PCDH19: variants seen among roughly 807,000 people sequenced by gnomAD.
PCDH19 encodes the protein protocadherin-19.
A neutral mutation model predicts 46.2 loss-of-function variants in PCDH19; 6 were observed. That is an observed-to-expected ratio of 0.13 (90% CI 0.07 to 0.26). The LOEUF is 0.26. PCDH19 is among the 10% of genes least tolerant of loss of function. The probability of loss-of-function intolerance (pLI) is 1.00; values close to 1 mark genes in which losing one functional copy is unlikely to be tolerated. For missense variants in PCDH19, 740 were observed against 972.3 expected (o/e 0.76, Z 3.18); for synonymous variants, 481 against 415.7 (o/e 1.16, Z -1.91).
intron 3 of PCDH19, among the ~76,000 whole-genome samples, chrX:100,389,179 ACTTC>A (rs1927796742): frequency 9.0e-6 from 1 of 111,211 alleles, no homozygotes; most frequent in Non-Finnish European, 1.9e-5. Flanking sequence ...TATGCTTCAT[ACTTC>A]CTTATTTTTC....
chrX:100,311,636 C>G (rs1395427839), intron 5 of PCDH19, among the ~76,000 whole-genome samples: 1 of 111,597 alleles, frequency 9.0e-6, no homozygotes, highest in Non-Finnish European at 1.9e-5. Context: ...TCATTTCTTC[C>G]ACATTTGGAA....
Position 100,392,487 on chromosome X carries a change from A to T in PCDH19, c.2616+10037T>A, listed in dbSNP as rs556937462. 5.7e-4 allele frequency among the ~76,000 whole-genome samples: 64 copies of T among 112,424 alleles called. No homozygotes were observed. The South Asian group carries it at 0.019, about 34-fold the overall frequency. ...GCAAAATCTTCACTACGAAAAAACC[A>T]TTATTTAGTACGAATGCCACTGTGT... is the stretch of plus-strand genomic sequence containing the variant. On this transcript the variant is annotated intron_variant, in intron 3 of 5. Transcript: ENST00000373034.
intron 5 of PCDH19, among the ~76,000 whole-genome samples, chrX:100,325,142 T>C (rs1925647479): frequency 1.1e-5 from 1 of 89,804 alleles, no homozygotes; most frequent in Non-Finnish European, 2.3e-5. Context: ...GATAGATAGA[T>C]AGATAGATAG....
intron 5 of PCDH19, among the ~76,000 whole-genome samples, chrX:100,305,860 A>G (rs1196663630): frequency 8.9e-6 from 1 of 112,009 alleles, no homozygotes; most frequent in Non-Finnish European, 1.9e-5. Context: ...TCCAATAGGA[A>G]AATATCACAA....
At chrX:100,298,959 A>G (rs1040510253) in intron 5 of PCDH19, among the ~76,000 whole-genome samples, 1 of 111,713 alleles carries the variant, frequency 9.0e-6, no homozygotes, top group African/African-American at 3.3e-5. Flanking sequence ...TTGCCTCTTC[A>G]TCTCTTCCAA....
chrX:100,395,031 G>A (rs1927985568), intron 3 of PCDH19, among the ~76,000 whole-genome samples: 1 of 110,045 alleles, frequency 9.1e-6, no homozygotes, highest in African/African-American at 3.3e-5. Flanking sequence ...GGGACCACAG[G>A]CGCCCGCCAC....
intron 1 of PCDH19, 101 bp from the exon 2 acceptor site, chrX:100,403,765 A>G: frequency 1.4e-6 from 1 of 715,851 alleles, no homozygotes; most frequent in Non-Finnish European, 2.0e-6. Context: ...GCTCAATTTA[A>G]TTAACACTGA....
In PCDH19 at chrX:100,296,785, C is replaced by T. The variant is rs368872920; in HGVS notation, c.2939G>A (p.Arg980His). 25 of 1,209,592 alleles carry T rather than the reference C, an allele frequency of 2.1e-5. 1 individual carries two copies. Among genetic ancestry groups the T allele is most frequent in the African/African-American group, 1.4e-4 (8 of 57,122 alleles). ...CCTCACATGCTCAGGGGACTTGGAA[C>T]GGATGGGCATGGGGTTCCGGGGCAT... ...CWMPRNPMPIRSKSPEHVRNI... is the reference protein window; with the variant it reads ...CWMPRNPMPIHSKSPEHVRNI... Residue 980 changes from arginine to histidine, a missense_variant, in exon 6 of 6, where the codon CGT becomes CAT. Around this residue, in one of 5 missense-constraint regions of PCDH19, gnomAD observed 416 missense variants for 476.8 expected, o/e 0.87. Coordinates refer to ENST00000373034, the MANE Select transcript of PCDH19 (RefSeq NM_001184880.2).
intron 5 of PCDH19, among the ~76,000 whole-genome samples, chrX:100,306,784 T>C (rs1341124227): frequency 9.0e-6 from 1 of 110,576 alleles, no homozygotes; most frequent in African/African-American, 3.3e-5. Flanking sequence ...ATGAACACCT[T>C]TATGTGCATA....
chrX:100,351,574 G>A (rs1926571086), intron 3 of PCDH19, among the ~76,000 whole-genome samples: 1 of 111,887 alleles, frequency 8.9e-6, no homozygotes, highest in Non-Finnish European at 1.9e-5. Context: ...CTCGCCCCCA[G>A]CACTAAAGTA....
At chrX:100,308,867 A>C (rs1925035560) in intron 5 of PCDH19, among the ~76,000 whole-genome samples, 1 of 111,837 alleles carries the variant, frequency 8.9e-6, no homozygotes, top group Admixed American at 9.5e-5. Flanking sequence ...ATAATAAAAA[A>C]ATAATAAATG....
In PCDH19 at chrX:100,296,115, A is replaced by C; in HGVS notation, c.*162T>G. On this transcript the variant is annotated 3_prime_UTR_variant, in exon 6 of 6. Transcript: ENST00000373034. ...GAACACCCCTGCTGCCTGTTGAAAC[A>C]AGGGACTGTCACAGAATGATAATCA... 1 of 499,217 alleles carries C rather than the reference A, an allele frequency of 2.0e-6. No individual in the cohort carries two copies. 41.1% of individuals were successfully genotyped at this position (499,217 alleles called of 1,213,427 possible). A position where few individuals can be genotyped will look rare whatever the true frequency, so the allele number is the denominator to read the frequency against.
chrX:100,303,267 G>T (rs781222065), intron 5 of PCDH19, among the ~76,000 whole-genome samples: 1 of 109,499 alleles, frequency 9.1e-6, no homozygotes, highest in East Asian at 2.9e-4. Flanking sequence ...GGGATCAATG[G>T]AAAAGAAAGG....
At chrX:100,364,343 T>C (rs749435141) in intron 3 of PCDH19, among the ~76,000 whole-genome samples, 122 of 111,682 alleles carry the variant, frequency 1.1e-3, no homozygotes, top group African/African-American at 3.6e-3. Context: ...TAGCCACATG[T>C]AGCTAGTTAA....
chrX:100,391,892 G>T (rs1176369195), intron 3 of PCDH19, among the ~76,000 whole-genome samples: 1 of 112,163 alleles, frequency 8.9e-6, no homozygotes, highest in Non-Finnish European at 1.9e-5. Flanking sequence ...AGTCACTTGG[G>T]CTCACTCACA....
chrX:100,318,186 T>C (rs1925368229), intron 5 of PCDH19, among the ~76,000 whole-genome samples: 1 of 111,229 alleles, frequency 9.0e-6, no homozygotes, highest in Non-Finnish European at 1.9e-5. Context: ...TACCTTAGAG[T>C]CCCAGATCTA....
chrX:100,316,712 A>G (rs772212087), intron 5 of PCDH19, among the ~76,000 whole-genome samples: 19 of 112,251 alleles, frequency 1.7e-4, no homozygotes, highest in Non-Finnish European at 3.8e-5. Context: ...TTCCTTCCAT[A>G]ATAATAGTGC....
Position 100,294,060 on chromosome X carries a change from T to A in PCDH19, c.*2217A>T, listed in dbSNP as rs1411604300. ...CGTAGCTAATAACATAATATCAGGA[T>A]GGATCAGGGTGAGAAACAGTCTAAA... On this transcript the variant is annotated 3_prime_UTR_variant, in exon 6 of 6. Coordinates refer to ENST00000373034, the MANE Select transcript of PCDH19 (RefSeq NM_001184880.2). The A allele has an allele frequency of 8.9e-6, 1 of 111,960 alleles. No homozygotes were observed. The highest frequency in any genetic ancestry group is 1.9e-5 in the Non-Finnish European group (1 of 53,250). The allele number at this position is 111,960 out of a possible 1,213,427, so 9.2% of individuals were successfully genotyped here.
At chrX:100,394,362 A>G (rs1472082647) in intron 3 of PCDH19, among the ~76,000 whole-genome samples, 2 of 111,812 alleles carry the variant, frequency 1.8e-5, no homozygotes, top group African/African-American at 6.5e-5. Context: ...CATTCTGAAA[A>G]GTGATTTTTC....
Sources: gnomAD v4.1 joint callset for allele counts (sites outside exome capture counted in the v4.1 genomes callset) on GRCh38, gnomAD v4.1.1 for gene constraint, gnomAD v4.1.1 regional missense constraint, MANE v1.5 for transcripts, NCBI Gene and HGNC (gene_info 2026-07-23, HGNC 2026-07-21) for gene names.